The following PKHD1 variants were observed in gnomAD, a reference collection of about 807,000 sequenced individuals.
The protein encoded by PKHD1 is PKHD1 ciliary IPT domain containing fibrocystin/polyductin.
In PKHD1, 291 loss-of-function variants were observed where a neutral mutation model predicts 412.0. The observed-to-expected ratio is 0.71, with a 90% confidence interval of 0.64 to 0.78. PKHD1 has a LOEUF of 0.78. Among genes scored for constraint, PKHD1 ranks in the 30% least tolerant of loss-of-function variants. The pLI is 0.00. For missense variants in PKHD1, 4,825 were observed against 4,950.7 expected (o/e 0.97, Z 0.76); for synonymous variants, 1,777 against 1,821.5 (o/e 0.98, Z 0.62).
At chr6:51,726,857 C>T (rs2150863914) in intron 60 of PKHD1, among the ~76,000 whole-genome samples, 1 of 152,194 alleles carries the variant, frequency 6.6e-6, no homozygotes, top group South Asian at 2.1e-4. Flanking sequence ...ATGCCCTAAT[C>T]CTGATTATGT....
chr6:51,882,999 C>A lies in PKHD1; in HGVS notation c.7350+94G>T, dbSNP rs1477121038. ...TAAATATGAGATTCACTAAAGAATG[C>A]TATTAAAATTGCATATCCTGGATCA... On this transcript the variant is annotated intron_variant, in intron 46 of 66. Coordinates refer to ENST00000371117, the MANE Select transcript of PKHD1 (RefSeq NM_138694.4). 6 of 890,308 alleles carry A rather than the reference C, an allele frequency of 6.7e-6. No homozygotes were observed. In the Admixed American group the frequency reaches 1.1e-4, roughly 17 times the overall value. The allele number at this position is 890,308 out of a possible 1,614,324, so 55.2% of individuals were successfully genotyped here.
intron 43 of PKHD1, among the ~76,000 whole-genome samples, chr6:51,896,243 T>C (rs1325587990): frequency 6.6e-6 from 1 of 151,824 alleles, no homozygotes; most frequent in Non-Finnish European, 1.5e-5. Flanking sequence ...AACAGTAACC[T>C]CTGCAGACTT....
chr6:51,728,352 C>T (rs925226873), intron 60 of PKHD1, among the ~76,000 whole-genome samples: 2 of 152,126 alleles, frequency 1.3e-5, no homozygotes, highest in Non-Finnish European at 2.9e-5. Flanking sequence ...ACCTCTCAGC[C>T]CCCACACTTC....
intron 50 of PKHD1, among the ~76,000 whole-genome samples, chr6:51,847,477 G>C (rs1324510403): frequency 6.6e-6 from 1 of 152,106 alleles, no homozygotes; most frequent in Non-Finnish European, 1.5e-5. Context: ...TTCTGCTCAA[G>C]AGTTTTACAT....
chr6:51,945,436 C>T (rs192450678), intron 36 of PKHD1, among the ~76,000 whole-genome samples: 8 of 152,238 alleles, frequency 5.3e-5, no homozygotes, highest in East Asian at 1.9e-4. Context: ...TGGTTTCATC[C>T]GCAAAGTGGA....
intron 35 of PKHD1, among the ~76,000 whole-genome samples, chr6:51,993,863 CAG>C (rs1797352350): frequency 6.6e-6 from 1 of 152,020 alleles, no homozygotes; most frequent in Non-Finnish European, 1.5e-5. Flanking sequence ...AGAGGTAAGA[CAG>C]AATCAGACAG....
intron 60 of PKHD1, among the ~76,000 whole-genome samples, chr6:51,710,115 C>T (rs9474058): frequency 0.22 from 33,615 of 151,960 alleles, 3,989 homozygotes; most frequent in African/African-American, 0.3. Context: ...GAAGCTGAGG[C>T]GGGAGAATTG....
intron 35 of PKHD1, among the ~76,000 whole-genome samples, chr6:51,984,345 A>G (rs992203067): frequency 6.6e-6 from 1 of 152,242 alleles, no homozygotes; most frequent in Non-Finnish European, 1.5e-5. Context: ...CATGGAAGGA[A>G]GCTATTCACT....
intron 39 of PKHD1, among the ~76,000 whole-genome samples, chr6:51,911,095 C>G (rs140812779): frequency 6.6e-6 from 1 of 152,216 alleles, no homozygotes; most frequent in Non-Finnish European, 1.5e-5. Flanking sequence ...CCCATCCCAG[C>G]AAATAGCCTC....
chr6:51,834,330 C>A (rs530528827), intron 51 of PKHD1, among the ~76,000 whole-genome samples: 1 of 152,022 alleles, frequency 6.6e-6, no homozygotes, highest in Non-Finnish European at 1.5e-5. Flanking sequence ...TCAAAGAAAG[C>A]GACAAAAACT....
chr6:52,076,134 A>G, intron 6 of PKHD1, 142 bp downstream of exon 6: 1 of 697,378 alleles, frequency 1.4e-6, no homozygotes, highest in Non-Finnish European at 2.6e-6. Flanking sequence ...TTAAAAATGA[A>G]CCAGAGGTTG....
intron 37 of PKHD1, among the ~76,000 whole-genome samples, chr6:51,920,595 G>A (rs917823414): frequency 6.6e-6 from 1 of 152,046 alleles, no homozygotes; most frequent in Non-Finnish European, 1.5e-5. Context: ...CTCTTTTTTG[G>A]TTGTGTCTCT....
chr6:51,721,661 C>T (rs1161168114), intron 60 of PKHD1: 3 of 1,202,916 alleles, frequency 2.5e-6, no homozygotes, highest in African/African-American at 1.6e-5. Flanking sequence ...CCTACTCCCC[C>T]ATATCTGCTA....
rs1801838858 is a variant in PKHD1, at chr6:52,024,457, T to C, written c.5236+117A>G. On this transcript the variant is annotated intron_variant, in intron 32 of 66. Coordinates refer to ENST00000371117, the MANE Select transcript of PKHD1 (RefSeq NM_138694.4). ...AGGAATTGGGATTGTAAGAAGCCAG[T>C]GGGCTTCTCTTTCCTTCCATCAGGC... 5.3e-6 allele frequency: 5 copies of C among 946,650 alleles called. No homozygotes were observed. In the Admixed American group the frequency reaches 6.9e-5, roughly 13 times the overall value. The allele number at this position is 946,650 out of a possible 1,614,324, so 58.6% of individuals were successfully genotyped here. A position where few individuals can be genotyped will look rare whatever the true frequency, so the allele number is the denominator to read the frequency against.
chr6:51,642,580 C>A (rs1013363018), intron 63 of PKHD1, among the ~76,000 whole-genome samples: 7 of 152,118 alleles, frequency 4.6e-5, no homozygotes, highest in African/African-American at 1.7e-4. Context: ...TGGCTCACAC[C>A]TGTAATCCCG....
chr6:51,624,983 T>TAA (rs10700140), intron 66 of PKHD1, among the ~76,000 whole-genome samples: 4,642 of 152,276 alleles, frequency 0.03, 95 homozygotes, highest in African/African-American at 0.051. Context: ...GACATGGATT[T>TAA]AAAGAGGGCT....
chr6:51,913,142 G>A (rs908522615), intron 37 of PKHD1, among the ~76,000 whole-genome samples: 2 of 151,976 alleles, frequency 1.3e-5, no homozygotes, highest in African/African-American at 4.8e-5. Context: ...AAAAACAAGT[G>A]GTTATTAGAC....
chr6:51,709,870 A>G (rs967205150), intron 60 of PKHD1, among the ~76,000 whole-genome samples: 2 of 136,980 alleles, frequency 1.5e-5, no homozygotes, highest in African/African-American at 6.0e-5. Context: ...TTTTTTACAT[A>G]ACTGACAAAA....
At chr6:52,047,440 C>A (rs139883038) in intron 23 of PKHD1, among the ~76,000 whole-genome samples, 1 of 152,142 alleles carries the variant, frequency 6.6e-6, no homozygotes, top group African/African-American at 2.4e-5. Flanking sequence ...TTTATACAGC[C>A]CCTCTCAAGT....
Sources: gnomAD v4.1 joint callset for allele counts (sites outside exome capture counted in the v4.1 genomes callset) on GRCh38, gnomAD v4.1.1 for gene constraint, MANE v1.5 for transcripts, NCBI Gene and HGNC (gene_info 2026-07-23, HGNC 2026-07-21) for gene names.